PAPPA2: variants seen among roughly 807,000 people sequenced by gnomAD.
The protein encoded by PAPPA2 is pappalysin-2.
Under a neutral mutation model 176.4 loss-of-function variants are expected in PAPPA2, and 86 were observed. The ratio of observed to expected loss-of-function variants is 0.49; its 90% CI spans 0.41 to 0.58. The LOEUF (loss-of-function observed/expected upper bound fraction) is 0.58. PAPPA2 is among the 20% of genes least tolerant of loss of function. The pLI, the probability that PAPPA2 is intolerant of heterozygous loss-of-function variation, is 0.00. For missense variants in PAPPA2, 2,073 were observed against 2,256.9 expected, an observed-to-expected ratio of 0.92 and a Z score of 1.65; for synonymous variants, 809 against 852.2, an observed-to-expected ratio of 0.95 and a Z score of 0.88.
intron 21 of PAPPA2, chr1:176,836,604 C>T (rs763034896): frequency 9.2e-5 from 14 of 152,078 alleles, no homozygotes; most frequent in Admixed American, 3.9e-4. Context: ...AGCCTGAGAC[C>T]ACTCACCCTT....
At chr1:176,740,976 C>T (rs1662652297) in intron 14 of PAPPA2, among the ~76,000 whole-genome samples, 1 of 152,068 alleles carries the variant, frequency 6.6e-6, no homozygotes, top group Non-Finnish European at 1.5e-5. Context: ...CCAAGAAGTG[C>T]TCCATCACCA....
rs1306390707 is a variant in PAPPA2 at position 176,843,613 on chromosome 1, A to T, written c.*1159A>T. The stretch of plus-strand genomic sequence containing the variant: ...TTGTTAGAAGTCTCCAAGTCTGGCC[A>T]GTCACATGACCAAGTGTTGATTTTT... On this transcript the variant is annotated 3_prime_UTR_variant, in exon 23 of 23. Transcript: ENST00000367662. 1 of 152,182 alleles carries T rather than the reference A, an allele frequency of 6.6e-6. No homozygotes were observed. The highest frequency in any genetic ancestry group is 1.5e-5 in the Non-Finnish European group (1 of 68,040). 9.4% of individuals were successfully genotyped at this position (152,182 alleles called of 1,614,324 possible).
At chr1:176,701,699 T>TA (rs1343550546) in intron 8 of PAPPA2, among the ~76,000 whole-genome samples, 1 of 152,148 alleles carries the variant, frequency 6.6e-6, no homozygotes, top group African/African-American at 2.4e-5. Flanking sequence ...CATGGCAGAA[T>TA]ACTGATGGCA....
intron 14 of PAPPA2, among the ~76,000 whole-genome samples, chr1:176,762,552 T>C (rs561622736): frequency 4.6e-5 from 7 of 152,318 alleles, no homozygotes; most frequent in Admixed American, 4.6e-4. Flanking sequence ...ACCAGAGTAT[T>C]AATGACTCTC....
chr1:176,690,720 G>T (rs1370736565), intron 5 of PAPPA2: 1 of 1,213,408 alleles, frequency 8.2e-7, no homozygotes, highest in Non-Finnish European at 1.0e-6. Context: ...GCCCTCTTGT[G>T]ATCCCCTTGA....
At chr1:176,616,992 A>C (rs1655299529) in intron 3 of PAPPA2, among the ~76,000 whole-genome samples, 1 of 152,238 alleles carries the variant, frequency 6.6e-6, no homozygotes, top group Non-Finnish European at 1.5e-5. Flanking sequence ...ATACTGAGGC[A>C]ACAAACAGAC....
intron 1 of PAPPA2, among the ~76,000 whole-genome samples, chr1:176,511,272 T>A (rs561302068): frequency 6.6e-6 from 1 of 152,306 alleles, no homozygotes; most frequent in South Asian, 2.1e-4. Context: ...CAAGGTATAT[T>A]GCCAGGGATT....
chr1:176,830,985 A>T (rs1032364880), intron 21 of PAPPA2, among the ~76,000 whole-genome samples: 1 of 152,256 alleles, frequency 6.6e-6, no homozygotes, highest in African/African-American at 2.4e-5. Context: ...CTGGAATAAA[A>T]TCTTGACAAA....
chr1:176,593,869 C>A (rs1260024094), intron 2 of PAPPA2, among the ~76,000 whole-genome samples: 2 of 152,162 alleles, frequency 1.3e-5, no homozygotes, highest in Non-Finnish European at 2.9e-5. Flanking sequence ...TAGGCTAGGA[C>A]CATGGGGCAG....
Position 176,599,542 on chromosome 1 carries a change from A to G in PAPPA2, c.1991+3947A>G, listed in dbSNP as rs187133645. Among the ~76,000 whole-genome samples, 337 of 129,802 alleles carry G rather than the reference A, an allele frequency of 2.6e-3. 4 individuals are homozygous for G. The highest frequency in any genetic ancestry group is 9.3e-3 in the African/African-American group (321 of 34,702). 85.2% of individuals were successfully genotyped at this position (129,802 alleles called of 152,430 possible). A position where few individuals can be genotyped will look rare whatever the true frequency, so the allele number is the denominator to read the frequency against. ...TTTTTTTTGAGATTTCTTTGAGTCTATCTTTCAATGCTTTTATTTACTTTT... is the reference window on the plus strand; with the variant it reads ...TTTTTTTTGAGATTTCTTTGAGTCTGTCTTTCAATGCTTTTATTTACTTTT... On this transcript the variant is annotated intron_variant, in intron 3 of 22. Coordinates refer to ENST00000367662, the MANE Select transcript of PAPPA2 (RefSeq NM_020318.3).
At chr1:176,491,461 C>T (rs938544440) in intron 1 of PAPPA2, among the ~76,000 whole-genome samples, 13 of 152,214 alleles carry the variant, frequency 8.5e-5, no homozygotes, top group South Asian at 6.2e-4. Flanking sequence ...CACAGAGTTA[C>T]GAACATGTCC....
Position 176,769,687 on chromosome 1 carries a change from C to A in PAPPA2, c.4404C>A (p.Asp1468Glu). The change falls in exon 16 of 23, where the codon GAC (aspartate) becomes GAA (glutamate). Residue 1468 changes from aspartate (D) to glutamate (E), a missense_variant. Transcript: ENST00000367662. ...SCLPVDCGVP[D>E]PSLVNYANFS... ...TTCCCGTGGACTGCGGTGTTCCCGA[C>A]CCGTCTTTGGTGAACTATGCAAACT... is the stretch of plus-strand genomic sequence containing the variant. 6.2e-6 allele frequency: 10 copies of A among 1,614,034 alleles called. No homozygotes were observed. Among genetic ancestry groups the A allele is most frequent in the Non-Finnish European group, 8.5e-6 (10 of 1,179,972 alleles).
rs139889857 is a variant in PAPPA2, at chr1:176,480,203, C to G, written c.-917+16785C>G. 5.6e-3 allele frequency among the ~76,000 whole-genome samples: 855 copies of G among 152,314 alleles called. 9 individuals are homozygous for G. Among genetic ancestry groups the G allele is most frequent in the Non-Finnish European group, 9.1e-3 (622 of 68,020 alleles). ...ACCTGTAACTGGGCCTCCTCCGTGC[C>G]CAGCTTGGCTTGGCAGTATTGCTCT... On this transcript the variant is annotated intron_variant, in intron 1 of 22. Coordinates refer to ENST00000367662, the MANE Select transcript of PAPPA2 (RefSeq NM_020318.3).
intron 1 of PAPPA2, among the ~76,000 whole-genome samples, chr1:176,494,168 T>C (rs929554849): frequency 6.6e-6 from 1 of 152,162 alleles, no homozygotes; most frequent in Non-Finnish European, 1.5e-5. Flanking sequence ...TCACCGATCA[T>C]CTAAGGTGGG....
At chr1:176,560,934 C>T (rs1012525942) in intron 2 of PAPPA2, among the ~76,000 whole-genome samples, 7 of 152,160 alleles carry the variant, frequency 4.6e-5, no homozygotes, top group Non-Finnish European at 7.3e-5. Context: ...TTTCTTCATC[C>T]GACAAATATT....
At chr1:176,653,706 A>G (rs184725710) in intron 3 of PAPPA2, among the ~76,000 whole-genome samples, 2 of 151,720 alleles carry the variant, frequency 1.3e-5, no homozygotes, top group Non-Finnish European at 3.0e-5. Flanking sequence ...TTTATGCCCA[A>G]TACCTTTTCT....
chr1:176,589,310 G>A (rs1253306403), intron 2 of PAPPA2, among the ~76,000 whole-genome samples: 3 of 152,172 alleles, frequency 2.0e-5, no homozygotes, highest in African/African-American at 7.2e-5. Context: ...AGAACTGGAT[G>A]CAAATGATGT....
At position 176,648,862 on chromosome 1, in the gene PAPPA2, T is replaced by C. The variant is rs1657553399; in HGVS notation, c.1992-22108T>C. ...ATATTTTGCTGAGGATTTTTTAATC[T>C]ATGTTCGTTAGGGATATTGGCCTGT... On this transcript the variant is annotated intron_variant, in intron 3 of 22. Coordinates refer to ENST00000367662, the MANE Select transcript of PAPPA2 (RefSeq NM_020318.3). Among the ~76,000 whole-genome samples the C allele has an allele frequency of 2.6e-5, 4 of 151,730 alleles. No individual in the cohort carries two copies. In the South Asian group the frequency reaches 8.3e-4, roughly 31 times the overall value.
In PAPPA2 at chr1:176,754,496, A is replaced by C. The variant is rs1002346478; in HGVS notation, c.4152-11170A>C. On this transcript the variant is annotated intron_variant, in intron 14 of 22. Coordinates refer to ENST00000367662, the MANE Select transcript of PAPPA2 (RefSeq NM_020318.3). ...ATTCTCTTATGGATTTTGATAATTC[A>C]AAAATAAGCCCCATGGCCCTGCTGA... Among the ~76,000 whole-genome samples the C allele has an allele frequency of 2.1e-4, 32 of 152,220 alleles. 1 individual carries two copies. Among genetic ancestry groups the C allele is most frequent in the Non-Finnish European group, 1.8e-4 (12 of 68,048 alleles).
Sources: gnomAD v4.1 joint callset for allele counts (sites outside exome capture counted in the v4.1 genomes callset) on GRCh38, gnomAD v4.1.1 for gene constraint, MANE v1.5 for transcripts, NCBI Gene and HGNC (gene_info 2026-07-23, HGNC 2026-07-21) for gene names.